The following SLC13A3 variants were observed in gnomAD, a reference collection of about 807,000 sequenced individuals.
SLC13A3 encodes the protein Na(+)/dicarboxylate cotransporter 3.
A neutral mutation model predicts 59.0 loss-of-function variants in SLC13A3; 40 were observed. The ratio of observed to expected loss-of-function variants is 0.68; its 90% CI spans 0.53 to 0.88. The LOEUF (loss-of-function observed/expected upper bound fraction) is 0.88, where lower values mean the gene tolerates loss of function less well. Ranked by LOEUF, SLC13A3 falls within the 40% of genes least tolerant of loss-of-function variation. The pLI is 0.00. For missense variants in SLC13A3, 699 were observed against 783.2 expected, an observed-to-expected ratio of 0.89 and a Z score of 1.28; for synonymous variants, 317 against 330.3, an observed-to-expected ratio of 0.96 and a Z score of 0.44.
At chr20:46,580,776 T>C (rs553302199) in intron 9 of SLC13A3, among the ~76,000 whole-genome samples, 3 of 152,172 alleles carry the variant, frequency 2.0e-5, no homozygotes, top group East Asian at 3.9e-4. Context: ...CCAGACCAAA[T>C]TGAGGACCAG....
At position 46,651,371 on chromosome 20, in the gene SLC13A3, C is replaced by G. The variant is rs73598391; in HGVS notation, c.51G>C (p.Leu17=). The G allele has an allele frequency of 7.3e-6, 11 of 1,510,192 alleles. No homozygotes were observed. In the East Asian group the frequency reaches 2.7e-4, roughly 38 times the overall value. 93.5% of individuals were successfully genotyped at this position (1,510,192 alleles called of 1,614,324 possible). A position where few individuals can be genotyped will look rare whatever the true frequency, so the allele number is the denominator to read the frequency against. Residue 17 remains leucine (L), a synonymous_variant, in exon 1 of 13, where the codon CTG becomes CTC. Coordinates refer to ENST00000279027, the MANE Select transcript of SLC13A3 (RefSeq NM_022829.6). ...CGAGCGGCGTGAACAGCAGCACCAG[C>G]AGCCGCCGCGCGCTCCACACCTTCT... ...AAKKVWSARR[L]LVLLFTPLAL...
chr20:46,600,646 T>C (rs1158663710), intron 3 of SLC13A3: 5 of 454,218 alleles, frequency 1.1e-5, no homozygotes, highest in Non-Finnish European at 1.8e-5. Context: ...GAGTCATCAA[T>C]GGGTTGGACG....
rs542711074 is a variant in SLC13A3 at position 46,596,160 on chromosome 20, T to C, written c.791A>G (p.Lys264Arg). The C allele has an allele frequency of 3.7e-6, 6 of 1,613,026 alleles. No homozygotes were observed. Among genetic ancestry groups the C allele is most frequent in the East Asian group, 2.2e-5 (1 of 44,854 alleles). Reference sequence around the variant, plus strand: ...CGGTGGGGACTCTCGCTTTCACCTCTTGAGCTGGCCAAGCAGGATGAGGTT... The same window carrying C: ...CGGTGGGGACTCTCGCTTTCACCTCCTGAGCTGGCCAAGCAGGATGAGGTT... ...APNLILLGQLKSFFPQCDVVN... is the reference protein window; with the variant it reads ...APNLILLGQLRSFFPQCDVVN... Residue 264 changes from lysine (K) to arginine (R), a missense_variant, in exon 5 of 13, where the codon AAG becomes AGG. Transcript: ENST00000279027.
rs115044300 is a variant in SLC13A3 at position 46,595,677 on chromosome 20, C to T, written c.794+480G>A. Among the ~76,000 whole-genome samples, 1,406 of 152,278 alleles carry T rather than the reference C, an allele frequency of 9.2e-3. 13 individuals are homozygous for T. Among genetic ancestry groups the T allele is most frequent in the African/African-American group, 0.024 (1,010 of 41,552 alleles). On this transcript the variant is annotated intron_variant, in intron 5 of 12. Transcript: ENST00000279027. ...CACCTTCCCTTCGCCCCAGGCTCTTCGTCTCCCTGGTTTTCTTGCTGGTCC... is the reference window on the plus strand; with the variant it reads ...CACCTTCCCTTCGCCCCAGGCTCTTTGTCTCCCTGGTTTTCTTGCTGGTCC...
Position 46,588,078 on chromosome 20 carries a change from C to A in SLC13A3, c.1102G>T (p.Ala368Ser). ...TCTCACCCAGGATTGAAGAGGCTGGCCCAGCCAGGGATGAACTTCGGGTCC... is the reference window on the plus strand; with the variant it reads ...TCTCACCCAGGATTGAAGAGGCTGGACCAGCCAGGGATGAACTTCGGGTCC... Reference protein sequence around the residue: ...TRDPKFIPGWASLFNPGFLSD... With the variant: ...TRDPKFIPGWSSLFNPGFLSD... The change falls in exon 8 of 13, where the codon GCC (alanine) becomes TCC (serine). Residue 368 changes from alanine (A) to serine (S), a missense_variant. By Grantham distance (99) the Ala-to-Ser change is moderately conservative. Transcript: ENST00000279027. 1 of 1,607,990 alleles carries A rather than the reference C, an allele frequency of 6.2e-7. No homozygotes were observed.
chr20:46,603,823 G>A (rs1343223099), intron 3 of SLC13A3, among the ~76,000 whole-genome samples: 1 of 151,878 alleles, frequency 6.6e-6, no homozygotes. Flanking sequence ...TGGATGTGGA[G>A]GGCCATGCTT....
chr20:46,639,179 C>T (rs938599058), intron 1 of SLC13A3, among the ~76,000 whole-genome samples: 1 of 150,628 alleles, frequency 6.6e-6, no homozygotes, highest in Non-Finnish European at 1.5e-5. Context: ...CATGGTGGCT[C>T]ACGCCTGTAA....
At chr20:46,656,164 A>G (rs2062988823), upstream of SLC13A3, among the ~76,000 whole-genome samples, 1 of 143,846 alleles carries the variant, frequency 7.0e-6, no homozygotes, top group South Asian at 2.2e-4. Flanking sequence ...AATAGACTGT[A>G]CAGTCTGTAT....
intron 1 of SLC13A3, among the ~76,000 whole-genome samples, chr20:46,634,278 G>A (rs978354975): frequency 1.3e-5 from 2 of 152,134 alleles, no homozygotes; most frequent in African/African-American, 2.4e-5. Flanking sequence ...ACTGATTTTC[G>A]TGTGCCCACT....
intron 1 of SLC13A3, among the ~76,000 whole-genome samples, chr20:46,639,102 G>A (rs1333219900): frequency 6.6e-6 from 1 of 151,902 alleles, no homozygotes; most frequent in African/African-American, 2.4e-5. Flanking sequence ...AGAAACTGAA[G>A]CACGAAGAGG....
At chr20:46,582,684 C>T in intron 9 of SLC13A3, 1 of 985,248 alleles carries the variant, frequency 1.0e-6, no homozygotes, top group Non-Finnish European at 1.2e-6. Context: ...ATACACTATA[C>T]TCCCCACACT....
intron 8 of SLC13A3, chr20:46,584,534 C>T: frequency 1.0e-6 from 1 of 976,770 alleles, no homozygotes; most frequent in South Asian, 4.7e-5. Context: ...AGTATTCAAA[C>T]AGACAAGAAG....
chr20:46,607,763 T>G (rs2062450223), intron 3 of SLC13A3, among the ~76,000 whole-genome samples: 10 of 152,208 alleles, frequency 6.6e-5, no homozygotes, highest in Admixed American at 6.5e-4. Context: ...AGCCTGAGAA[T>G]GTAGGCTCTG....
intron 12 of SLC13A3, among the ~76,000 whole-genome samples, chr20:46,562,152 G>C (rs933994684): frequency 3.9e-5 from 6 of 152,090 alleles, no homozygotes; most frequent in African/African-American, 1.4e-4. Flanking sequence ...ATTCACTCCA[G>C]CCAGCAGCCA....
chr20:46,666,985 G>A (rs2063065936), intron 1 of SLC13A3, among the ~76,000 whole-genome samples: 1 of 152,064 alleles, frequency 6.6e-6, no homozygotes, highest in Admixed American at 6.6e-5. Flanking sequence ...AAATTTGGGA[G>A]ACTACGAGAT....
chr20:46,625,574 G>A (rs192453888), intron 1 of SLC13A3, among the ~76,000 whole-genome samples: 150 of 152,210 alleles, frequency 9.9e-4, no homozygotes, highest in African/African-American at 3.4e-3. Flanking sequence ...CAAGATATAG[G>A]ACATTTACAT....
chr20:46,668,011 GT>G (rs2063070971), intron 1 of SLC13A3, among the ~76,000 whole-genome samples: 1 of 152,142 alleles, frequency 6.6e-6, no homozygotes, highest in African/African-American at 2.4e-5. Context: ...GATAAATATT[GT>G]GTGTATTCTG....
At chr20:46,600,992 G>C (rs1045838623) in intron 3 of SLC13A3, among the ~76,000 whole-genome samples, 2 of 152,080 alleles carry the variant, frequency 1.3e-5, no homozygotes, top group African/African-American at 4.8e-5. Flanking sequence ...GAAGAGCCCT[G>C]GGAAAAGGGT....
At chr20:46,595,911 A>AT (rs1304447687) in intron 5 of SLC13A3, among the ~76,000 whole-genome samples, 1 of 151,852 alleles carries the variant, frequency 6.6e-6, no homozygotes, top group African/African-American at 2.4e-5. Flanking sequence ...TCCCTGCTGT[A>AT]TTTTTTTCCT....
Sources: gnomAD v4.1 joint callset for allele counts (sites outside exome capture counted in the v4.1 genomes callset) on GRCh38, gnomAD v4.1.1 for gene constraint, MANE v1.5 for transcripts, NCBI Gene and HGNC (gene_info 2026-07-23, HGNC 2026-07-21) for gene names.